Variants in EIF3H observed in about 807,000 individuals in gnomAD.
The protein encoded by EIF3H is eIF-3-gamma.
A neutral mutation model predicts 44.2 loss-of-function variants in EIF3H; 26 were observed. That is an observed-to-expected ratio of 0.59 (90% CI 0.43 to 0.82). The LOEUF (loss-of-function observed/expected upper bound fraction) is 0.82, where lower values mean the gene tolerates loss of function less well. EIF3H is among the 40% of genes least tolerant of loss of function. EIF3H has a pLI of 0.00. For missense variants in EIF3H, 359 were observed against 432.8 expected (o/e 0.83, Z 1.51); for synonymous variants, 166 against 151.9 (o/e 1.09, Z -0.68).
At position 116,646,498 on chromosome 8, in the gene EIF3H, C is replaced by T. The variant is rs1813302033; in HGVS notation, c.934G>A (p.Ala312Thr). 1.9e-6 allele frequency: 3 copies of T among 1,614,218 alleles called. No individual in the cohort carries two copies. Among genetic ancestry groups the T allele is most frequent in the Non-Finnish European group, 2.5e-6 (3 of 1,180,030 alleles). ...GCAATGAGCAGCGAGTCCATCCTGGCAGGCGGCTGTGGTGGTTTGAAGAGT... is the reference window on the plus strand; with the variant it reads ...GCAATGAGCAGCGAGTCCATCCTGGTAGGCGGCTGTGGTGGTTTGAAGAGT... The part of the protein sequence containing the change: ...SKLFKPPQPP[A>T]RMDSLLIAGQ... The change falls in exon 7 of 8, where the codon GCC becomes ACC. Residue 312 changes from alanine (A) to threonine (T), a missense_variant. Physicochemically the swap from Ala to Thr is moderately conservative, Grantham distance 58. Transcript: ENST00000521861.
At chr8:116,756,059 C>T (rs1205398328), upstream of EIF3H, 1 of 1,466,986 alleles carries the variant, frequency 6.8e-7, no homozygotes, top group Non-Finnish European at 9.2e-7. Flanking sequence ...TAATCATTCA[C>T]CACTAGGCAA....
At chr8:116,726,207 C>A (rs746868678) in intron 1 of EIF3H, 35 bp from the exon 2 acceptor site, 1 of 1,569,914 alleles carries the variant, frequency 6.4e-7, no homozygotes, top group Non-Finnish European at 8.6e-7. Flanking sequence ...AGCTTAACAA[C>A]CATCCTAGTT....
chr8:116,753,115 G>A (rs935926173), intron 1 of EIF3H, among the ~76,000 whole-genome samples: 13 of 152,044 alleles, frequency 8.6e-5, no homozygotes, highest in Non-Finnish European at 1.5e-5. Flanking sequence ...ATTAAAAAAT[G>A]AGCAACCAAG....
chr8:116,662,832 C>T (rs927414072), intron 2 of EIF3H, among the ~76,000 whole-genome samples: 4 of 152,178 alleles, frequency 2.6e-5, no homozygotes, highest in African/African-American at 4.8e-5. Flanking sequence ...AGGGAACAAT[C>T]GTGAAATTAT....
chr8:116,762,362 T>C (rs768698148), intron 1 of EIF3H, among the ~76,000 whole-genome samples: 1 of 152,210 alleles, frequency 6.6e-6, no homozygotes, highest in Non-Finnish European at 1.5e-5. Flanking sequence ...ACTTTCACAG[T>C]TGCGAGCGAT....
At chr8:116,744,055 T>C (rs1178164476) in intron 1 of EIF3H, among the ~76,000 whole-genome samples, 1 of 151,592 alleles carries the variant, frequency 6.6e-6, no homozygotes, top group Non-Finnish European at 1.5e-5. Flanking sequence ...AATGTAGTTA[T>C]AAATTCAAAG....
intron 2 of EIF3H, among the ~76,000 whole-genome samples, chr8:116,684,386 A>C (rs1418274826): frequency 6.6e-6 from 1 of 152,206 alleles, no homozygotes; most frequent in East Asian, 1.9e-4. Flanking sequence ...GATCCCCCCT[A>C]AAGTGAAGAT....
chr8:116,750,671 A>T (rs538772715), intron 1 of EIF3H, among the ~76,000 whole-genome samples: 248 of 151,830 alleles, frequency 1.6e-3, no homozygotes, highest in African/African-American at 5.8e-3. Context: ...TTGGCCTCCC[A>T]AAGTGCTGGG....
chr8:116,721,441 G>A (rs1276672878), intron 2 of EIF3H, among the ~76,000 whole-genome samples: 1 of 152,242 alleles, frequency 6.6e-6, no homozygotes, highest in Non-Finnish European at 1.5e-5. Flanking sequence ...AGGGAAATGT[G>A]GGGTTGAAGC....
chr8:116,761,604 A>G (rs1238489169), intron 1 of EIF3H, among the ~76,000 whole-genome samples: 2 of 152,244 alleles, frequency 1.3e-5, no homozygotes, highest in African/African-American at 4.8e-5. Context: ...TGTTCTAAGT[A>G]TGATTTCATC....
chr8:116,765,135 GGAGTA>G (rs1277320843), intron 1 of EIF3H, among the ~76,000 whole-genome samples: 1 of 152,046 alleles, frequency 6.6e-6, no homozygotes, highest in Non-Finnish European at 1.5e-5. Flanking sequence ...GCGCATAGTT[GGAGTA>G]GAGAGTTGGC....
intron 1 of EIF3H, among the ~76,000 whole-genome samples, chr8:116,748,683 T>C (rs965213992): frequency 6.6e-6 from 1 of 152,224 alleles, no homozygotes; most frequent in African/African-American, 2.4e-5. Context: ...GAAGCTGATA[T>C]TCTAGTGTGA....
At chr8:116,672,782 G>C (rs1014096589) in intron 2 of EIF3H, among the ~76,000 whole-genome samples, 1 of 151,810 alleles carries the variant, frequency 6.6e-6, no homozygotes, top group Non-Finnish European at 1.5e-5. Flanking sequence ...ACAGAAAATC[G>C]GCCTCAAGAT....
intron 1 of EIF3H, among the ~76,000 whole-genome samples, chr8:116,727,679 G>A (rs924172112): frequency 2.0e-5 from 3 of 152,132 alleles, no homozygotes; most frequent in Non-Finnish European, 2.9e-5. Flanking sequence ...ATACTAAATG[G>A]CAATATGGAG....
chr8:116,688,874 A>G (rs1045981193), intron 2 of EIF3H, among the ~76,000 whole-genome samples: 56 of 152,178 alleles, frequency 3.7e-4, no homozygotes, highest in African/African-American at 1.2e-3. Context: ...AAATGGTGCA[A>G]CTGCTTTGGA....
chr8:116,662,535 A>C (rs889532858), intron 2 of EIF3H, among the ~76,000 whole-genome samples: 1 of 152,182 alleles, frequency 6.6e-6, no homozygotes, highest in Non-Finnish European at 1.5e-5. Context: ...CACAACTCAC[A>C]AACAGCCACA....
At chr8:116,687,579 CTGTT>C (rs543108116) in intron 2 of EIF3H, among the ~76,000 whole-genome samples, 51 of 152,210 alleles carry the variant, frequency 3.4e-4, no homozygotes, top group Non-Finnish European at 5.0e-4. Flanking sequence ...ATTGATTTGT[CTGTT>C]TGTGCTTTAT....
chr8:116,752,910 G>A (rs992266898), intron 1 of EIF3H, among the ~76,000 whole-genome samples: 18 of 151,934 alleles, frequency 1.2e-4, no homozygotes, highest in Admixed American at 2.6e-4. Context: ...ATTGTATCTG[G>A]GCAAACGTGG....
In EIF3H at chr8:116,645,120, G is replaced by A; in HGVS notation, c.962-17C>T. ...TTATCTGGCCTGTGCATTTGAGAAA[G>A]AGATAGAGCCATAATGTTCCACAAA... On this transcript the variant is annotated splice_polypyrimidine_tract_variant and intron_variant, in intron 7 of 7. Transcript: ENST00000521861. 1 of 1,586,346 alleles carries A rather than the reference G, an allele frequency of 6.3e-7. No individual in the cohort carries two copies. Among genetic ancestry groups the A allele is most frequent in the Non-Finnish European group, 8.7e-7 (1 of 1,155,634 alleles).
Sources: gnomAD v4.1 joint callset for allele counts (sites outside exome capture counted in the v4.1 genomes callset) on GRCh38, gnomAD v4.1.1 for gene constraint, MANE v1.5 for transcripts, NCBI Gene and HGNC (gene_info 2026-07-23, HGNC 2026-07-21) for gene names.